The following ASAP2 variants were observed in gnomAD, a reference collection of about 807,000 sequenced individuals.
The protein encoded by ASAP2 is arf-GAP with SH3 domain, ANK repeat and PH domain-containing protein 2.
Under a neutral mutation model 131.4 loss-of-function variants are expected in ASAP2, and 45 were observed. The ratio of observed to expected loss-of-function variants is 0.34; its 90% CI spans 0.27 to 0.44. The LOEUF (loss-of-function observed/expected upper bound fraction) is 0.44. ASAP2 is among the 20% of genes least tolerant of loss of function. ASAP2 has a pLI of 1.00. For synonymous variants in ASAP2, 510 were observed against 503.0 expected, an observed-to-expected ratio of 1.01 and a Z score of -0.19; for missense variants, 1,011 against 1,297.0, an observed-to-expected ratio of 0.78 and a Z score of 3.39.
rs35913703 is a variant in ASAP2, at chr2:9,270,785, A to ATTTTTTTT, written c.127-8514_127-8507dup. On this transcript the variant is annotated intron_variant, in intron 1 of 27. Coordinates refer to ENST00000281419, the MANE Select transcript of ASAP2 (RefSeq NM_003887.3). ...AGTCTCCATGAGTTCAATTGTTTTCATTTTTTTTTTTTTTTTTTTTTTTTT... is the reference window on the plus strand; with the variant it reads ...AGTCTCCATGAGTTCAATTGTTTTCATTTTTTTTTTTTTTTTTTTTTTTTTTTTTTTTT... 6.0e-4 allele frequency among the ~76,000 whole-genome samples: 32 copies of ATTTTTTTT among 52,918 alleles called. 4 individuals carry two copies. The highest frequency in any genetic ancestry group is 1.4e-3 in the African/African-American group (19 of 13,982). 34.7% of individuals were successfully genotyped at this position (52,918 alleles called of 152,430 possible).
chr2:9,352,804 T>G (rs1672442674), intron 12 of ASAP2, among the ~76,000 whole-genome samples: 1 of 152,216 alleles, frequency 6.6e-6, no homozygotes, highest in African/African-American at 2.4e-5. Context: ...CAGGAAGGAC[T>G]TGTAGCCTGT....
intron 1 of ASAP2, among the ~76,000 whole-genome samples, chr2:9,259,133 A>T (rs1299772991): frequency 6.6e-6 from 1 of 152,118 alleles, no homozygotes; most frequent in Admixed American, 6.5e-5. Flanking sequence ...CTGCCCAGGG[A>T]GCCCTTCCCC....
chr2:9,391,576 C>CT lies in ASAP2; in HGVS notation c.2518+397dup, dbSNP rs397869342. Among the ~76,000 whole-genome samples, 762 of 135,144 alleles carry CT rather than the reference C, an allele frequency of 5.6e-3. 6 individuals are homozygous for CT. The highest frequency in any genetic ancestry group is 0.02 in the East Asian group (93 of 4,686). 88.7% of individuals were successfully genotyped at this position (135,144 alleles called of 152,430 possible). On this transcript the variant is annotated intron_variant, in intron 23 of 27. Transcript: ENST00000281419. ...GGCTTTTTGTTTTTCTTTTCTTTTT[C>CT]TTTTTTTTTTTTTTTTTGAGACAGA...
Position 9,217,504 on chromosome 2 carries a change from A to T in ASAP2, c.126+10274A>T, listed in dbSNP as rs1662130954. 6.6e-6 allele frequency among the ~76,000 whole-genome samples: 1 copy of T among 152,182 alleles called. No individual in the cohort carries two copies. Among genetic ancestry groups the T allele is most frequent in the African/African-American group, 2.4e-5 (1 of 41,438 alleles). On this transcript the variant is annotated intron_variant, in intron 1 of 27. Coordinates refer to ENST00000281419, the MANE Select transcript of ASAP2 (RefSeq NM_003887.3). The surrounding 1 kb of genome is among the most constrained non-coding windows in gnomAD (Gnocchi z 4.0). ...CAGTTGATGAAGACAGTTCCCTCTC[A>T]TGATGAATTCACTTGTCTTTTAGGA...
At chr2:9,289,583 C>G (rs1033098301) in intron 2 of ASAP2, among the ~76,000 whole-genome samples, 5 of 152,188 alleles carry the variant, frequency 3.3e-5, no homozygotes, top group African/African-American at 1.2e-4. Context: ...CCACTCTTCA[C>G]CCTCTCACCT....
At chr2:9,234,606 C>T (rs1047836421) in intron 1 of ASAP2, among the ~76,000 whole-genome samples, 3 of 152,184 alleles carry the variant, frequency 2.0e-5, no homozygotes, top group African/African-American at 7.2e-5. Flanking sequence ...GAAGTGGGCA[C>T]TATCCCCATT....
intron 21 of ASAP2, 97 bp downstream of exon 21, chr2:9,385,455 GAA>G: frequency 1.0e-6 from 1 of 965,498 alleles, no homozygotes; most frequent in South Asian, 1.5e-5. Context: ...CTGTTTTATA[GAA>G]ATGAAAATGT....
chr2:9,309,086 G>A (rs1054608252), intron 3 of ASAP2, among the ~76,000 whole-genome samples: 1 of 152,046 alleles, frequency 6.6e-6, no homozygotes, highest in Non-Finnish European at 1.5e-5. Context: ...TCTCTGCCCC[G>A]CCTCCTTTGC....
intron 12 of ASAP2, among the ~76,000 whole-genome samples, chr2:9,354,130 A>G (rs192215980): frequency 6.6e-6 from 1 of 152,294 alleles, no homozygotes; most frequent in African/African-American, 2.4e-5. Context: ...CGCGAACCCC[A>G]TAGGCACCCT....
intron 9 of ASAP2, among the ~76,000 whole-genome samples, chr2:9,336,586 G>A (rs1168748797): frequency 6.6e-6 from 1 of 152,192 alleles, no homozygotes; most frequent in Non-Finnish European, 1.5e-5. Flanking sequence ...CGCTCATTTA[G>A]TAGGATTTTG....
intron 15 of ASAP2, among the ~76,000 whole-genome samples, chr2:9,363,953 C>T (rs1249625746): frequency 2.0e-5 from 3 of 152,202 alleles, no homozygotes; most frequent in Non-Finnish European, 4.4e-5. Context: ...ATCTTAACTA[C>T]TTTAGCACAC....
intron 5 of ASAP2, among the ~76,000 whole-genome samples, chr2:9,321,786 C>G (rs1470502981): frequency 1.3e-5 from 2 of 152,140 alleles, no homozygotes; most frequent in African/African-American, 4.8e-5. Flanking sequence ...AAAATCGAGA[C>G]ACACATGGGT....
intron 1 of ASAP2, among the ~76,000 whole-genome samples, chr2:9,229,228 GC>G (rs1363430238): frequency 6.6e-6 from 1 of 152,196 alleles, no homozygotes; most frequent in South Asian, 2.1e-4. Context: ...TACCTGCAGG[GC>G]TGGTGGCGGG....
At chr2:9,382,626 C>T (rs1429590234) in intron 20 of ASAP2, among the ~76,000 whole-genome samples, 1 of 152,228 alleles carries the variant, frequency 6.6e-6, no homozygotes, top group Non-Finnish European at 1.5e-5. Context: ...TGGGGTTGAG[C>T]TTTCTCCCAT....
At position 9,291,653 on chromosome 2, in the gene ASAP2, A is replaced by G. The variant is rs539329517; in HGVS notation, c.200-5647A>G. ...CTCTCCTTAAACGCTCCCTTCGCCG[A>G]GCTGTCTGCATGGAAGGTTGGAATG... is the stretch of plus-strand genomic sequence containing the variant. On this transcript the variant is annotated intron_variant, in intron 2 of 27. Coordinates refer to ENST00000281419, the MANE Select transcript of ASAP2 (RefSeq NM_003887.3). 3.9e-5 allele frequency among the ~76,000 whole-genome samples: 6 copies of G among 152,200 alleles called. No homozygotes were observed. In the East Asian group the frequency reaches 1.2e-3, roughly 29 times the overall value.
chr2:9,310,359 T>G (rs1168349835), intron 3 of ASAP2, among the ~76,000 whole-genome samples: 3 of 152,204 alleles, frequency 2.0e-5, no homozygotes, highest in Non-Finnish European at 4.4e-5. Context: ...AAAATGGCTT[T>G]TTAAAGGAAA....
At chr2:9,338,323 G>A (rs139865509) in intron 9 of ASAP2, among the ~76,000 whole-genome samples, 74 of 151,948 alleles carry the variant, frequency 4.9e-4, no homozygotes, top group African/African-American at 1.7e-3. Flanking sequence ...GTCTGTGTCT[G>A]TCTATCTCTC....
At position 9,268,789 on chromosome 2, in the gene ASAP2, A is replaced by G. The variant is rs75486064; in HGVS notation, c.127-10528A>G. 0.024 allele frequency among the ~76,000 whole-genome samples: 3,652 copies of G among 152,298 alleles called. 97 individuals are homozygous for G. The highest frequency in any genetic ancestry group is 0.086 in the Admixed American group (1,309 of 15,300). ...TCCGTGGAACGAGGGGAGAGGAGAT[A>G]GGACGGGAGAGCGGAGCATGCTAGG... is the stretch of plus-strand genomic sequence containing the variant. On this transcript the variant is annotated intron_variant, in intron 1 of 27. Transcript: ENST00000281419. This position sits in a 1 kb window ranked among gnomAD's most constrained non-coding sequence, Gnocchi z 4.1.
At chr2:9,260,463 G>A (rs1193847983) in intron 1 of ASAP2, among the ~76,000 whole-genome samples, 1 of 152,196 alleles carries the variant, frequency 6.6e-6, no homozygotes, top group African/African-American at 2.4e-5. Flanking sequence ...TTTGGGGTAG[G>A]AGCTGCGGGT....
Sources: gnomAD v4.1 joint callset for allele counts (sites outside exome capture counted in the v4.1 genomes callset) on GRCh38, gnomAD v4.1.1 for gene constraint, Gnocchi (gnomAD v3.1) non-coding constraint, MANE v1.5 for transcripts, NCBI Gene and HGNC (gene_info 2026-07-23, HGNC 2026-07-21) for gene names.